Variants in ADK observed in about 807,000 individuals in gnomAD.
The protein encoded by ADK is N6,N6-dimethyladenosine kinase.
A neutral mutation model predicts 44.7 loss-of-function variants in ADK; 24 were observed. The observed-to-expected ratio is 0.54, with a 90% confidence interval of 0.39 to 0.76. ADK has a LOEUF of 0.76. Ranked by LOEUF, ADK falls within the 30% of genes least tolerant of loss-of-function variation. The probability of loss-of-function intolerance (pLI) is 0.00; values close to 1 mark genes in which losing one functional copy is unlikely to be tolerated. For missense variants in ADK, 321 were observed against 425.1 expected (o/e 0.76, Z 2.15); for synonymous variants, 128 against 142.6 (o/e 0.90, Z 0.73).
chr10:74,408,207 G>A (rs1008155091), intron 6 of ADK, among the ~76,000 whole-genome samples: 2 of 150,754 alleles, frequency 1.3e-5, no homozygotes, highest in African/African-American at 4.9e-5. Context: ...TGGCTAGGCT[G>A]GTCTTGAACT....
intron 1 of ADK, among the ~76,000 whole-genome samples, chr10:74,154,307 C>T (rs926082490): frequency 5.3e-5 from 8 of 152,058 alleles, no homozygotes; most frequent in Admixed American, 4.6e-4. Flanking sequence ...CTCACTCTGG[C>T]GCACAGGTTG....
At chr10:74,420,776 AAACAGTAACTCT>A (rs1844529588) in intron 6 of ADK, among the ~76,000 whole-genome samples, 1 of 152,162 alleles carries the variant, frequency 6.6e-6, no homozygotes, top group Non-Finnish European at 1.5e-5. Flanking sequence ...TTTAACTGTT[AAACAGTAACTCT>A]TCTGACAGTT....
chr10:74,158,556 G>C (rs1841815239), intron 1 of ADK, among the ~76,000 whole-genome samples: 1 of 152,214 alleles, frequency 6.6e-6, no homozygotes, highest in Non-Finnish European at 1.5e-5. Context: ...ATATTAGGCT[G>C]TTAATGACAT....
At chr10:74,652,223 T>C (rs2134136265) in intron 9 of ADK, among the ~76,000 whole-genome samples, 1 of 151,844 alleles carries the variant, frequency 6.6e-6, no homozygotes, top group East Asian at 2.0e-4. Flanking sequence ...TTTGTATTTT[T>C]AGTGGAGACA....
At chr10:74,438,691 C>T (rs890994554) in intron 6 of ADK, among the ~76,000 whole-genome samples, 1 of 152,118 alleles carries the variant, frequency 6.6e-6, no homozygotes, top group African/African-American at 2.4e-5. Context: ...GGTGTTCTCT[C>T]TCTAAATTTT....
At chr10:74,695,744 A>G (rs1467170320) in intron 10 of ADK, among the ~76,000 whole-genome samples, 3 of 151,440 alleles carry the variant, frequency 2.0e-5, no homozygotes, top group African/African-American at 4.9e-5. Flanking sequence ...GGCTCAAGCA[A>G]TCCTCCCACC....
At chr10:74,479,122 C>A (rs1202108347) in intron 6 of ADK, among the ~76,000 whole-genome samples, 6 of 152,098 alleles carry the variant, frequency 3.9e-5, no homozygotes, top group African/African-American at 1.4e-4. Context: ...CCTCAACTTC[C>A]CAAGTAGCTG....
intron 3 of ADK, among the ~76,000 whole-genome samples, chr10:74,257,743 T>A (rs1845880726): frequency 6.6e-6 from 1 of 152,250 alleles, no homozygotes; most frequent in Admixed American, 6.5e-5. Context: ...TGAAATGATT[T>A]CTGTTTAGGC....
At chr10:74,514,447 C>T (rs1848480343) in intron 6 of ADK, among the ~76,000 whole-genome samples, 1 of 151,058 alleles carries the variant, frequency 6.6e-6, no homozygotes, top group South Asian at 2.1e-4. Flanking sequence ...CTTTTTCATT[C>T]TCTTTTTTTT....
Position 74,708,378 on chromosome 10 carries a change from A to G in ADK, c.1022A>G (p.His341Arg), listed in dbSNP as rs886039772. ...KPLTECIRAG[H>R]YAASIIIRRT... ...CTGACTGAATGTATCCGTGCTGGCC[A>G]CTATGCAGCAAGCATCATAATTAGA... Residue 341 changes from histidine to arginine, a missense_variant, in exon 11 of 11, where the codon CAC becomes CGC. Physicochemically the swap from His to Arg is conservative, Grantham distance 29 (BLOSUM62 0). Transcript: ENST00000539909. The G allele has an allele frequency of 6.2e-7, 1 of 1,612,822 alleles. No homozygotes were observed. The highest frequency in any genetic ancestry group is 8.5e-7 in the Non-Finnish European group (1 of 1,179,614).
At chr10:74,287,979 T>C (rs991558308) in intron 3 of ADK, among the ~76,000 whole-genome samples, 2 of 127,720 alleles carry the variant, frequency 1.6e-5, no homozygotes, top group African/African-American at 6.6e-5. Flanking sequence ...TGAGACCCTG[T>C]CTCAAAAAAA....
intron 1 of ADK, among the ~76,000 whole-genome samples, chr10:74,188,908 G>C: frequency 6.6e-6 from 1 of 151,872 alleles, no homozygotes; most frequent in East Asian, 1.9e-4. Flanking sequence ...GAGTAGCTGG[G>C]ACTATAGGCG....
chr10:74,373,410 G>A (rs771394614), intron 4 of ADK, among the ~76,000 whole-genome samples: 18 of 152,012 alleles, frequency 1.2e-4, no homozygotes, highest in Non-Finnish European at 2.5e-4. Flanking sequence ...GGAGAAAATT[G>A]CACTCACATA....
intron 3 of ADK, among the ~76,000 whole-genome samples, chr10:74,235,408 A>T (rs563989398): frequency 6.6e-6 from 1 of 152,022 alleles, no homozygotes; most frequent in Non-Finnish European, 1.5e-5. Context: ...GATCATAGTG[A>T]TCGTTCCACC....
At chr10:74,564,734 AAAT>A (rs1850588771) in intron 7 of ADK, among the ~76,000 whole-genome samples, 1 of 152,156 alleles carries the variant, frequency 6.6e-6, no homozygotes, top group South Asian at 2.1e-4. Flanking sequence ...TTCTTAAATG[AAAT>A]AATCCAATTT....
chr10:74,444,967 G>GT (rs1303190339), intron 6 of ADK, among the ~76,000 whole-genome samples: 3 of 151,982 alleles, frequency 2.0e-5, no homozygotes, highest in Non-Finnish European at 2.9e-5. Context: ...AAAAGAAGCA[G>GT]TAAGAAGGCA....
In ADK at chr10:74,673,577, G is replaced by A. The variant is rs75148749; in HGVS notation, c.964+3308G>A. Among the ~76,000 whole-genome samples, 205 of 152,294 alleles carry A rather than the reference G, an allele frequency of 1.3e-3. 5 individuals carry two copies. The East Asian group carries it at 0.025, about 19-fold the overall frequency. ...TGGCAGCATCTAAGGGAAGCTGCCC[G>A]TGACCCCTGGATCCCCAGAGGAAGC... On this transcript the variant is annotated intron_variant, in intron 10 of 10. Coordinates refer to ENST00000539909, the MANE Select transcript of ADK (RefSeq NM_006721.4).
At chr10:74,441,075 T>A (rs1239339371) in intron 6 of ADK, among the ~76,000 whole-genome samples, 2 of 152,160 alleles carry the variant, frequency 1.3e-5, no homozygotes, top group East Asian at 3.8e-4. Flanking sequence ...TTTCACCACC[T>A]TAGTATTTTA....
At chr10:74,372,519 T>G in intron 4 of ADK, 1 of 365,916 alleles carries the variant, frequency 2.7e-6, no homozygotes, top group South Asian at 3.3e-5. Context: ...GGTTGACAGA[T>G]AAAATATCAA....
Sources: gnomAD v4.1 joint callset for allele counts (sites outside exome capture counted in the v4.1 genomes callset) on GRCh38, gnomAD v4.1.1 for gene constraint, MANE v1.5 for transcripts, NCBI Gene and HGNC (gene_info 2026-07-23, HGNC 2026-07-21) for gene names.